The following GNB1L variants were observed in gnomAD, a reference collection of about 807,000 sequenced individuals.
GNB1L encodes the protein G protein subunit beta 1 like, also known as guanine nucleotide-binding protein subunit beta-like protein 1.
Under a neutral mutation model 29.1 loss-of-function variants are expected in GNB1L, and 20 were observed. The ratio of observed to expected loss-of-function variants is 0.69; its 90% CI spans 0.48 to 1.00. GNB1L has a LOEUF of 1.00. GNB1L is among the 50% of genes least tolerant of loss of function. GNB1L has a pLI of 0.00. For missense variants in GNB1L, 421 were observed against 464.9 expected, an observed-to-expected ratio of 0.91 and a Z score of 0.87; for synonymous variants, 193 against 206.5, an observed-to-expected ratio of 0.93 and a Z score of 0.56.
At chr22:19,841,832 G>A (rs940484893) in intron 2 of GNB1L, among the ~76,000 whole-genome samples, 1 of 152,164 alleles carries the variant, frequency 6.6e-6, no homozygotes, top group African/African-American at 2.4e-5. Flanking sequence ...TCCCCAGCCA[G>A]CTGGGGACAG....
intron 2 of GNB1L, among the ~76,000 whole-genome samples, chr22:19,845,607 G>A (rs1314509263): frequency 2.6e-5 from 4 of 152,200 alleles, no homozygotes; most frequent in African/African-American, 7.2e-5. Context: ...GAAAGGAGCC[G>A]GCCAATGAGA....
chr22:19,847,047 T>A (rs544633079), intron 2 of GNB1L: 1 of 985,366 alleles, frequency 1.0e-6, no homozygotes. Flanking sequence ...GATGATCAGC[T>A]GCTGCCGTCC....
In GNB1L at chr22:19,796,938, G is replaced by A. The variant is rs530209985; in HGVS notation, c.732+5063C>T. On this transcript the variant is annotated intron_variant, in intron 7 of 7. Transcript: ENST00000329517. Reference sequence around the variant, plus strand: ...GACTGATCAGGAATAAAGCAGGGACGGAGCTTTGAATGCGGCAGAAATTTA... The same window carrying A: ...GACTGATCAGGAATAAAGCAGGGACAGAGCTTTGAATGCGGCAGAAATTTA... Among the ~76,000 whole-genome samples the A allele has an allele frequency of 4.6e-5, 7 of 152,278 alleles. No individual in the cohort carries two copies. The South Asian group carries it at 1.2e-3, about 27-fold the overall frequency.
At chr22:19,793,285 G>A (rs919752516) in intron 7 of GNB1L, among the ~76,000 whole-genome samples, 21 of 152,066 alleles carry the variant, frequency 1.4e-4, no homozygotes, top group African/African-American at 5.1e-4. Context: ...GAACTGGAAA[G>A]CTCAATACTG....
At position 19,825,019 on chromosome 22, in the gene GNB1L, C is replaced by T. The variant is rs544640234; in HGVS notation, c.-20-3644G>A. The stretch of plus-strand genomic sequence containing the variant: ...CAAAGAGTACCACGAAGTGAGCCAA[C>T]GTGGGGAGCCACCACCCAGAGAGGC... On this transcript the variant is annotated intron_variant, in intron 2 of 7. Transcript: ENST00000329517. Among the ~76,000 whole-genome samples the T allele has an allele frequency of 1.2e-3, 190 of 152,372 alleles. 1 individual carries two copies. The highest frequency in any genetic ancestry group is 4.4e-3 in the African/African-American group (184 of 41,598).
At chr22:19,821,410 T>C in intron 2 of GNB1L, 35 bp from the exon 3 acceptor site, 1 of 1,591,254 alleles carries the variant, frequency 6.3e-7, no homozygotes, top group Non-Finnish European at 8.6e-7. Context: ...AGTGACTGCG[T>C]CCCTATTCTC....
In GNB1L at chr22:19,821,384, C is replaced by T. The variant is rs1302209900; in HGVS notation, c.-20-9G>A. On this transcript the variant is annotated splice_polypyrimidine_tract_variant and intron_variant, in intron 2 of 7. Coordinates refer to ENST00000329517, the MANE Select transcript of GNB1L (RefSeq NM_053004.3). ...GGGCAGGATGCAGTTACCTGGGCAC[C>T]AAGGGAGGGCGTGTGAGTGACTGCG... is the stretch of plus-strand genomic sequence containing the variant. 1 of 1,608,476 alleles carries T rather than the reference C, an allele frequency of 6.2e-7. No homozygotes were observed. Among genetic ancestry groups the T allele is most frequent in the African/African-American group, 1.3e-5 (1 of 74,924 alleles).
At position 19,806,648 on chromosome 22, in the gene GNB1L, C is replaced by T. The variant is rs754058056; in HGVS notation, c.516+11G>A. The T allele has an allele frequency of 1.8e-5, 29 of 1,580,660 alleles. No homozygotes were observed. Among genetic ancestry groups the T allele is most frequent in the Middle Eastern group, 1.7e-4 (1 of 5,902 alleles). On this transcript the variant is annotated intron_variant, in intron 6 of 7. Transcript: ENST00000329517. Reference sequence around the variant, plus strand: ...GCCGGCAGGGCGTGGCTGGTGCACGCGGGGCCTTACCTGCCACAGCCGCAG... The same window carrying T: ...GCCGGCAGGGCGTGGCTGGTGCACGTGGGGCCTTACCTGCCACAGCCGCAG...
At chr22:19,817,866 AG>A (rs1937543771) in intron 4 of GNB1L, among the ~76,000 whole-genome samples, 1 of 152,212 alleles carries the variant, frequency 6.6e-6, no homozygotes, top group African/African-American at 2.4e-5. Context: ...CTCTTCTGTG[AG>A]TACATTATAC....
At chr22:19,796,074 G>T (rs1937302944) in intron 7 of GNB1L, among the ~76,000 whole-genome samples, 1 of 152,210 alleles carries the variant, frequency 6.6e-6, no homozygotes, top group Admixed American at 6.5e-5. Context: ...AAATGTAAAG[G>T]CTATAAAGGG....
At chr22:19,827,412 T>C (rs891371717) in intron 2 of GNB1L, among the ~76,000 whole-genome samples, 5 of 152,148 alleles carry the variant, frequency 3.3e-5, no homozygotes, top group Non-Finnish European at 7.3e-5. Context: ...TCTGTAGATT[T>C]AAAACCATAA....
At chr22:19,840,888 C>A (rs60822562) in intron 2 of GNB1L, among the ~76,000 whole-genome samples, 8,372 of 152,158 alleles carry the variant, frequency 0.055, 721 homozygotes, top group African/African-American at 0.19. Flanking sequence ...TTCCCAAAAC[C>A]CTTAAGCTCA....
intron 2 of GNB1L, among the ~76,000 whole-genome samples, chr22:19,833,341 CCAAA>C (rs973982515): frequency 6.6e-6 from 1 of 152,116 alleles, no homozygotes; most frequent in Non-Finnish European, 1.5e-5. Flanking sequence ...TTTTAAAAAA[CCAAA>C]CAAATACGAA....
intron 2 of GNB1L, among the ~76,000 whole-genome samples, chr22:19,823,410 C>A (rs1293588941): frequency 6.6e-6 from 1 of 152,234 alleles, no homozygotes; most frequent in African/African-American, 2.4e-5. Flanking sequence ...GGAACAGCTG[C>A]CCTCAGCGGG....
At chr22:19,851,486 A>G in intron 2 of GNB1L, 3 of 1,614,158 alleles carry the variant, frequency 1.9e-6, no homozygotes, top group Non-Finnish European at 1.7e-6. Context: ...CTCCTTGGTC[A>G]GCTGCTGCTC....
At chr22:19,824,155 T>C (rs1197665841) in intron 2 of GNB1L, among the ~76,000 whole-genome samples, 1 of 152,272 alleles carries the variant, frequency 6.6e-6, no homozygotes, top group East Asian at 1.9e-4. Context: ...AATTAAGGGC[T>C]CCATCATTTC....
chr22:19,806,458 C>T (rs1435209811), intron 6 of GNB1L, among the ~76,000 whole-genome samples: 2 of 152,234 alleles, frequency 1.3e-5, no homozygotes, highest in Non-Finnish European at 2.9e-5. Context: ...CCAGGCCTCT[C>T]CTGGGGCACT....
At chr22:19,843,725 C>A (rs771810902) in intron 2 of GNB1L, among the ~76,000 whole-genome samples, 1 of 152,244 alleles carries the variant, frequency 6.6e-6, no homozygotes, top group Non-Finnish European at 1.5e-5. Flanking sequence ...CACTGGTAAG[C>A]TGGCAAATCT....
intron 2 of GNB1L, chr22:19,847,127 T>C (rs1301159785): frequency 1.3e-5 from 13 of 985,356 alleles, no homozygotes; most frequent in Non-Finnish European, 1.6e-5. Flanking sequence ...CACACATTAC[T>C]TGTGGCCTGC....
Sources: gnomAD v4.1 joint callset for allele counts (sites outside exome capture counted in the v4.1 genomes callset) on GRCh38, gnomAD v4.1.1 for gene constraint, MANE v1.5 for transcripts, NCBI Gene and HGNC (gene_info 2026-07-23, HGNC 2026-07-21) for gene names.